WDR7: variants seen among roughly 807,000 people sequenced by gnomAD.
WDR7 encodes WD repeat domain 7.
Under a neutral mutation model 169.4 loss-of-function variants are expected in WDR7, and 46 were observed. That is an observed-to-expected ratio of 0.27 (90% CI 0.21 to 0.35). The LOEUF (loss-of-function observed/expected upper bound fraction) is 0.35, where lower values mean the gene tolerates loss of function less well. WDR7 is among the 10% of genes least tolerant of loss of function. The probability of loss-of-function intolerance (pLI) is 1.00; values close to 1 mark genes in which losing one functional copy is unlikely to be tolerated. For missense variants in WDR7, 1,534 were observed against 1,859.3 expected, an observed-to-expected ratio of 0.83 and a Z score of 3.22; for synonymous variants, 612 against 666.8, an observed-to-expected ratio of 0.92 and a Z score of 1.27.
At chr18:56,885,120 A>T (rs1361170716) in intron 21 of WDR7, among the ~76,000 whole-genome samples, 1 of 152,174 alleles carries the variant, frequency 6.6e-6, no homozygotes, top group Non-Finnish European at 1.5e-5. Flanking sequence ...ACCCCATGGG[A>T]CAAAAGAATC....
At chr18:56,771,238 C>G (rs185542561) in intron 16 of WDR7, among the ~76,000 whole-genome samples, 1 of 152,274 alleles carries the variant, frequency 6.6e-6, no homozygotes, top group African/African-American at 2.4e-5. Flanking sequence ...CCAAATACAT[C>G]TCTGTTTCAT....
intron 21 of WDR7, among the ~76,000 whole-genome samples, chr18:56,891,276 TGTTATTTGG>T: frequency 6.6e-6 from 1 of 152,314 alleles, no homozygotes; most frequent in African/African-American, 2.4e-5. Flanking sequence ...ATTGTGATTT[TGTTATTTGG>T]GAACCAGAGC....
chr18:56,728,546 G>A (rs2026511328), intron 13 of WDR7, among the ~76,000 whole-genome samples: 1 of 152,086 alleles, frequency 6.6e-6, no homozygotes, highest in South Asian at 2.1e-4. Flanking sequence ...TCCCAGCATA[G>A]TCATCCTTTC....
At chr18:56,820,358 A>AC in intron 20 of WDR7, among the ~76,000 whole-genome samples, 3 of 145,574 alleles carry the variant, frequency 2.1e-5, no homozygotes, top group African/African-American at 5.1e-5. Context: ...AAAAAAAAAA[A>AC]AAAAAACCAC....
chr18:56,841,778 A>G (rs1376274012), intron 20 of WDR7, among the ~76,000 whole-genome samples: 1 of 152,136 alleles, frequency 6.6e-6, no homozygotes, highest in Non-Finnish European at 1.5e-5. Context: ...AACAGTTGGA[A>G]AGAGTGTAAT....
intron 20 of WDR7, among the ~76,000 whole-genome samples, chr18:56,841,441 G>T (rs1238311415): frequency 6.6e-6 from 1 of 151,552 alleles, no homozygotes; most frequent in Non-Finnish European, 1.5e-5. Flanking sequence ...CTACTTGGGA[G>T]GCTGCTTGGG....
chr18:56,756,730 G>T lies in WDR7; in HGVS notation c.2137G>T (p.Ala713Ser). 1.9e-6 allele frequency: 3 copies of T among 1,614,084 alleles called. No individual in the cohort carries two copies. Among genetic ancestry groups the T allele is most frequent in the Non-Finnish European group, 2.5e-6 (3 of 1,180,016 alleles). Reference protein sequence around the residue: ...LTEEASRPNTALISPENLQKA... With the variant: ...LTEEASRPNTSLISPENLQKA... ...TGAAGAAGCCTCTAGGCCGAATACT[G>T]CTCTTATTTCCCCAGAGAATTTGCA... Residue 713 changes from alanine to serine, a missense_variant, in exon 15 of 28, where the codon GCT (alanine) becomes TCT (serine). Coordinates refer to ENST00000254442, the MANE Select transcript of WDR7 (RefSeq NM_015285.3).
At chr18:56,678,651 C>T (rs1412523627) in intron 2 of WDR7, among the ~76,000 whole-genome samples, 1 of 152,130 alleles carries the variant, frequency 6.6e-6, no homozygotes, top group Admixed American at 6.5e-5. Flanking sequence ...TGCGCGCCAC[C>T]ACGCCTGGCT....
Position 57,012,483 on chromosome 18 carries a change from G to A in WDR7, c.4165-8262G>A, listed in dbSNP as rs527902973. On this transcript the variant is annotated intron_variant, in intron 26 of 27. Coordinates refer to ENST00000254442, the MANE Select transcript of WDR7 (RefSeq NM_015285.3). ...GCGAGGTCCCCTGAAATTCAGAAGG[G>A]TCTGCAAGGTGGCCTGGCTGACTGT... 5.9e-5 allele frequency among the ~76,000 whole-genome samples: 9 copies of A among 152,262 alleles called. No individual in the cohort carries two copies. The South Asian group carries it at 1.9e-3, about 32-fold the overall frequency.
At chr18:56,980,891 G>A (rs2047634966) in intron 26 of WDR7, among the ~76,000 whole-genome samples, 1 of 152,210 alleles carries the variant, frequency 6.6e-6, no homozygotes, top group Non-Finnish European at 1.5e-5. Context: ...TCGCCAGTCA[G>A]GATGAGGAAT....
chr18:57,020,927 A>T, intron 27 of WDR7, 78 bp downstream of exon 27: 1 of 1,330,578 alleles, frequency 7.5e-7, no homozygotes, highest in Non-Finnish European at 1.1e-6. Flanking sequence ...TGTTGAGCCT[A>T]CCTGCCGGCC....
At chr18:56,927,307 A>T (rs1262392440) in intron 22 of WDR7, among the ~76,000 whole-genome samples, 1 of 151,960 alleles carries the variant, frequency 6.6e-6, no homozygotes, top group African/African-American at 2.4e-5. Flanking sequence ...ATGCCTCGAG[A>T]TGAAGAGGGT....
intron 17 of WDR7, among the ~76,000 whole-genome samples, chr18:56,777,102 T>A (rs533755665): frequency 6.6e-6 from 1 of 152,232 alleles, no homozygotes; most frequent in Non-Finnish European, 1.5e-5. Flanking sequence ...TCTAGACTAC[T>A]GTTAAGTGCA....
chr18:56,816,235 G>A (rs185754133), intron 20 of WDR7, 91 bp downstream of exon 20: 12 of 1,126,148 alleles, frequency 1.1e-5, no homozygotes, highest in South Asian at 4.9e-5. Context: ...TAAGTATTTC[G>A]ACGGAAAGGA....
At chr18:56,948,584 C>T (rs1009560980) in intron 25 of WDR7, among the ~76,000 whole-genome samples, 2 of 152,266 alleles carry the variant, frequency 1.3e-5, no homozygotes, top group Admixed American at 6.5e-5. Flanking sequence ...TCAGTTCTTT[C>T]GCTTAAGCAG....
intron 2 of WDR7, among the ~76,000 whole-genome samples, chr18:56,675,649 A>G (rs1282715969): frequency 6.6e-6 from 1 of 151,420 alleles, no homozygotes; most frequent in Non-Finnish European, 1.5e-5. Flanking sequence ...TCACTCTCCA[A>G]TAGAGATAGT....
chr18:56,669,652 T>TTA (rs1555675244), intron 1 of WDR7, among the ~76,000 whole-genome samples: 3 of 151,982 alleles, frequency 2.0e-5, no homozygotes, highest in South Asian at 4.1e-4. Flanking sequence ...TCTGAATATA[T>TTA]TATATATATA....
intron 20 of WDR7, among the ~76,000 whole-genome samples, chr18:56,838,124 T>C (rs1488294423): frequency 6.6e-6 from 1 of 152,208 alleles, no homozygotes; most frequent in Non-Finnish European, 1.5e-5. Context: ...TATGATGATA[T>C]ATAAAAGACA....
chr18:56,783,197 C>G (rs534585739), intron 19 of WDR7, among the ~76,000 whole-genome samples: 111 of 149,898 alleles, frequency 7.4e-4, no homozygotes, highest in African/African-American at 2.6e-3. Flanking sequence ...CATATAGACT[C>G]TAAGTTATTA....
Sources: allele counts gnomAD v4.1 joint callset (sites outside exome capture counted in the v4.1 genomes callset), GRCh38; gene constraint gnomAD v4.1.1; transcripts MANE v1.5; gene names NCBI Gene and HGNC (gene_info 2026-07-23, HGNC 2026-07-21).